WWC2: variants seen among roughly 807,000 people sequenced by gnomAD.
WWC2 encodes WW and C2 domain containing 2, also known as protein WWC2.
In WWC2, 101 loss-of-function variants were observed where a neutral mutation model predicts 138.5. The observed-to-expected ratio is 0.73, with a 90% confidence interval of 0.62 to 0.86. WWC2 has a LOEUF of 0.86. WWC2 is among the 40% of genes least tolerant of loss of function. The probability of loss-of-function intolerance (pLI) is 0.00; values close to 1 mark genes in which losing one functional copy is unlikely to be tolerated. For missense variants in WWC2, 1,420 were observed against 1,419.4 expected (o/e 1.00, Z -0.01); for synonymous variants, 558 against 538.4 (o/e 1.04, Z -0.50).
intron 15 of WWC2, chr4:183,269,657 A>C (rs1347828504): frequency 2.7e-6 from 1 of 365,886 alleles, no homozygotes; most frequent in Non-Finnish European, 5.4e-6. Context: ...GATATCAAAA[A>C]GATATCCCCA....
At chr4:183,127,537 G>C (rs1384626183) in intron 1 of WWC2, among the ~76,000 whole-genome samples, 1 of 152,186 alleles carries the variant, frequency 6.6e-6, no homozygotes, top group South Asian at 2.1e-4. Flanking sequence ...GTAGCAGATA[G>C]GGAGGATGAG....
chr4:183,320,165 C>T lies in WWC2; in HGVS notation c.*4436C>T. 1 of 1,614,138 alleles carries T rather than the reference C, an allele frequency of 6.2e-7. No homozygotes were observed. Among genetic ancestry groups the T allele is most frequent in the Non-Finnish European group, 8.5e-7 (1 of 1,180,012 alleles). On this transcript the variant is annotated 3_prime_UTR_variant, in exon 23 of 23. Coordinates refer to ENST00000403733, the MANE Select transcript of WWC2 (RefSeq NM_024949.6). ...TAAGACAGGATAAAACCCATCCCAG[C>T]AAAGATAATGAAACTCCAGCTAGTT...
At chr4:183,214,368 T>G (rs1735688797) in intron 4 of WWC2, among the ~76,000 whole-genome samples, 1 of 152,166 alleles carries the variant, frequency 6.6e-6, no homozygotes, top group Admixed American at 6.5e-5. Flanking sequence ...GGAGACAGAT[T>G]TAAAAGAATG....
chr4:183,122,605 C>A (rs576988231), intron 1 of WWC2, among the ~76,000 whole-genome samples: 1 of 152,060 alleles, frequency 6.6e-6, no homozygotes, highest in Non-Finnish European at 1.5e-5. Flanking sequence ...CTGCAGTCTC[C>A]GCCTCCCAGG....
intron 1 of WWC2, among the ~76,000 whole-genome samples, chr4:183,186,955 C>G (rs1734823182): frequency 6.6e-6 from 1 of 152,096 alleles, no homozygotes; most frequent in South Asian, 2.1e-4. Context: ...GTTAGGCTAC[C>G]TCGTTATGTT....
rs189508793 is a variant in WWC2 at position 183,147,973 on chromosome 4, T to C, written c.132-45626T>C. 6.0e-4 allele frequency among the ~76,000 whole-genome samples: 91 copies of C among 152,318 alleles called. 2 individuals are homozygous for C. In the East Asian group the frequency reaches 0.013, roughly 22 times the overall value. On this transcript the variant is annotated intron_variant, in intron 1 of 22. Coordinates refer to ENST00000403733, the MANE Select transcript of WWC2 (RefSeq NM_024949.6). The stretch of plus-strand genomic sequence containing the variant: ...GAGTGATTGTACTGAATAATCCTTT[T>C]GTTTTGAGTAGTTAAAAAAAAAGCA...
chr4:183,319,975 T>A lies in WWC2; in HGVS notation c.*4246T>A. ...AGCCCATTTGACAGAAACATTAAGA[T>A]CCTGGAGACCCTGAGTTCAGCAGGC... On this transcript the variant is annotated 3_prime_UTR_variant, in exon 23 of 23. Transcript: ENST00000403733. 1 of 1,613,584 alleles carries A rather than the reference T, an allele frequency of 6.2e-7. No individual in the cohort carries two copies. The highest frequency in any genetic ancestry group is 8.5e-7 in the Non-Finnish European group (1 of 1,179,708).
chr4:183,242,271 T>C (rs1736647163), intron 5 of WWC2, among the ~76,000 whole-genome samples: 2 of 152,230 alleles, frequency 1.3e-5, no homozygotes, highest in South Asian at 2.1e-4. Context: ...AAGGGACTTA[T>C]ATTTGTGGCA....
rs145055815 is a variant in WWC2, at chr4:183,132,801, T to C, written c.131+33179T>C. On this transcript the variant is annotated intron_variant, in intron 1 of 22. Transcript: ENST00000403733. The stretch of plus-strand genomic sequence containing the variant: ...ATCAAATGATTTTTTTTTCTGTGAA[T>C]AGTAGAAGTTATATTAAATACATTA... Among the ~76,000 whole-genome samples, 453 of 152,196 alleles carry C rather than the reference T, an allele frequency of 3.0e-3. 14 individuals are homozygous for C. Among genetic ancestry groups the C allele is most frequent in the South Asian group, 1.5e-3 (7 of 4,814 alleles).
chr4:183,212,188 T>G (rs1735618239), intron 4 of WWC2, among the ~76,000 whole-genome samples: 2 of 152,320 alleles, frequency 1.3e-5, no homozygotes, highest in African/African-American at 4.8e-5. Context: ...GATGTATGTG[T>G]TTGTTTTCTC....
rs1321290321 is a variant in WWC2, at chr4:183,292,206, A to C, written c.3384+2571A>C. ...GTGAGACCCTGTCAATCAGTTATGAAAAATTAAAAAATAAATAAATAATAA... is the reference window on the plus strand; with the variant it reads ...GTGAGACCCTGTCAATCAGTTATGACAAATTAAAAAATAAATAAATAATAA... On this transcript the variant is annotated intron_variant, in intron 21 of 22. Coordinates refer to ENST00000403733, the MANE Select transcript of WWC2 (RefSeq NM_024949.6). Among the ~76,000 whole-genome samples, 3 of 152,158 alleles carry C rather than the reference A, an allele frequency of 2.0e-5. No homozygotes were observed. The East Asian group carries it at 5.8e-4, about 29-fold the overall frequency.
chr4:183,239,060 A>G (rs1736522146), intron 4 of WWC2, among the ~76,000 whole-genome samples: 1 of 152,250 alleles, frequency 6.6e-6, no homozygotes. Flanking sequence ...CACGCCTGTA[A>G]TCCCAGCACT....
At chr4:183,290,429 A>G (rs7675212) in intron 21 of WWC2, among the ~76,000 whole-genome samples, 12,530 of 151,614 alleles carry the variant, frequency 0.083, 740 homozygotes, top group Non-Finnish European at 0.13. Context: ...GAGGCAGAGA[A>G]TTTCTTAAAC....
chr4:183,299,532 T>C (rs902244768), intron 21 of WWC2, among the ~76,000 whole-genome samples: 1 of 152,216 alleles, frequency 6.6e-6, no homozygotes, highest in Non-Finnish European at 1.5e-5. Flanking sequence ...GTTGTGTACT[T>C]TTCTCACCAG....
chr4:183,219,392 G>C (rs1043808639), intron 4 of WWC2, among the ~76,000 whole-genome samples: 1 of 152,104 alleles, frequency 6.6e-6, no homozygotes, highest in Non-Finnish European at 1.5e-5. Flanking sequence ...CTGCAGAGCT[G>C]TAACATATTA....
intron 1 of WWC2, among the ~76,000 whole-genome samples, chr4:183,152,930 C>G (rs977299575): frequency 2.1e-4 from 32 of 152,060 alleles, no homozygotes; most frequent in Admixed American, 4.6e-4. Flanking sequence ...GGTTCTTGCT[C>G]TATCAGCTAG....
chr4:183,203,449 G>C (rs376440258), intron 2 of WWC2: 2 of 151,928 alleles, frequency 1.3e-5, no homozygotes, highest in African/African-American at 4.8e-5. Context: ...TAAGTGCTGA[G>C]GTTCTTATTG....
At chr4:183,266,868 T>C (rs1737520313) in intron 14 of WWC2, among the ~76,000 whole-genome samples, 1 of 152,226 alleles carries the variant, frequency 6.6e-6, no homozygotes, top group South Asian at 2.1e-4. Flanking sequence ...ATAAGACTTT[T>C]AATAGAATAA....
chr4:183,275,179 T>C (rs1198304930), intron 16 of WWC2, among the ~76,000 whole-genome samples: 1 of 152,176 alleles, frequency 6.6e-6, no homozygotes, highest in Non-Finnish European at 1.5e-5. Flanking sequence ...GCAACCTTAC[T>C]GAACTCATTT....
Sources: allele counts gnomAD v4.1 joint callset (sites outside exome capture counted in the v4.1 genomes callset), GRCh38; gene constraint gnomAD v4.1.1; transcripts MANE v1.5; gene names NCBI Gene and HGNC (gene_info 2026-07-23, HGNC 2026-07-21).